Variants in ST6GAL1 observed in about 807,000 individuals in gnomAD.
ST6GAL1 encodes ST6 beta-galactoside alpha-2,6-sialyltransferase 1, also known as beta-galactoside alpha-2,6-sialyltransferase 1.
A neutral mutation model predicts 38.0 loss-of-function variants in ST6GAL1; 20 were observed. The observed-to-expected ratio is 0.53, with a 90% CI of 0.37 to 0.77. The LOEUF (loss-of-function observed/expected upper bound fraction) is 0.77, where lower values mean the gene tolerates loss of function less well. Ranked by LOEUF, ST6GAL1 falls within the 30% of genes least tolerant of loss-of-function variation. The probability of loss-of-function intolerance (pLI) is 0.00; values close to 1 mark genes in which losing one functional copy is unlikely to be tolerated. For synonymous variants in ST6GAL1, 196 were observed against 188.2 expected (o/e 1.04, Z -0.34); for missense variants, 432 against 496.4 (o/e 0.87, Z 1.23).
At chr3:187,031,111 G>A (rs1450361365) in intron 2 of ST6GAL1, among the ~76,000 whole-genome samples, 2 of 152,204 alleles carry the variant, frequency 1.3e-5, no homozygotes, top group Non-Finnish European at 2.9e-5. Flanking sequence ...ATAGTTTGAT[G>A]AGGGGAAGAA....
intron 2 of ST6GAL1, among the ~76,000 whole-genome samples, chr3:186,972,558 T>C (rs1715386876): frequency 6.6e-6 from 1 of 152,040 alleles, no homozygotes; most frequent in Non-Finnish European, 1.5e-5. Flanking sequence ...CCACTGCTTG[T>C]TACTATGTGT....
chr3:187,027,598 C>G (rs1190052768), intron 2 of ST6GAL1, among the ~76,000 whole-genome samples: 1 of 152,092 alleles, frequency 6.6e-6, no homozygotes, highest in Non-Finnish European at 1.5e-5. Flanking sequence ...ATTCCGGCCC[C>G]CCTTCTTGCC....
chr3:186,981,557 C>T (rs540426991), intron 2 of ST6GAL1, among the ~76,000 whole-genome samples: 1 of 152,320 alleles, frequency 6.6e-6, no homozygotes, highest in Admixed American at 6.5e-5. Flanking sequence ...TGTCATGCCA[C>T]CAATACACTA....
chr3:187,017,469 T>A (rs1431221685), intron 2 of ST6GAL1, among the ~76,000 whole-genome samples: 1 of 149,900 alleles, frequency 6.7e-6, no homozygotes, highest in Non-Finnish European at 1.5e-5. Context: ...CCTTCATGGC[T>A]GTGAGATTAG....
At chr3:187,045,486 A>G (rs185360965) in intron 4 of ST6GAL1, among the ~76,000 whole-genome samples, 83 of 152,320 alleles carry the variant, frequency 5.4e-4, no homozygotes, top group Non-Finnish European at 6.8e-4. Flanking sequence ...TTAAAACACT[A>G]TCATCAATAC....
At chr3:186,964,760 C>T (rs1467084556) in intron 2 of ST6GAL1, among the ~76,000 whole-genome samples, 1 of 152,188 alleles carries the variant, frequency 6.6e-6, no homozygotes, top group Non-Finnish European at 1.5e-5. Context: ...AGTGCTACAA[C>T]CCAGGGCTTT....
chr3:187,030,230 T>C (rs1717696157), intron 2 of ST6GAL1, among the ~76,000 whole-genome samples: 1 of 151,938 alleles, frequency 6.6e-6, no homozygotes, highest in Admixed American at 6.6e-5. Flanking sequence ...GTAAGTGGGG[T>C]CATAGGTAGC....
chr3:186,946,033 G>A (rs1403281484), intron 1 of ST6GAL1, among the ~76,000 whole-genome samples: 59 of 144,662 alleles, frequency 4.1e-4, no homozygotes, highest in African/African-American at 1.3e-3. Context: ...CTGGCCGGGC[G>A]CGGTGGCTCA....
Position 186,951,388 on chromosome 3 carries a change from T to C in ST6GAL1, c.-324-12397T>C, listed in dbSNP as rs567089012. On this transcript the variant is annotated intron_variant, in intron 1 of 7. Coordinates refer to ENST00000169298, the MANE Select transcript of ST6GAL1 (RefSeq NM_173216.2). ...CTTGGCCATGACTCTTAAGGGGACA[T>C]TGGTGTTGTAGGCCATGTCGCTTCA... Among the ~76,000 whole-genome samples, 9 of 152,292 alleles carry C rather than the reference T, an allele frequency of 5.9e-5. No homozygotes were observed. In the South Asian group the frequency reaches 1.9e-3, roughly 32 times the overall value.
At position 186,967,610 on chromosome 3, in the gene ST6GAL1, A is replaced by C. The variant is rs569410297; in HGVS notation, c.-183+3684A>C. Among the ~76,000 whole-genome samples, 83 of 152,302 alleles carry C rather than the reference A, an allele frequency of 5.4e-4. No individual in the cohort carries two copies. In the Middle Eastern group the frequency reaches 0.01, roughly 19 times the overall value. ...GGACAGGGCTGAGGGGAGGAGGCAG[A>C]GTGGCAGAGGGAGTGATTTGGGGAG... On this transcript the variant is annotated intron_variant, in intron 2 of 7. Coordinates refer to ENST00000169298, the MANE Select transcript of ST6GAL1 (RefSeq NM_173216.2).
Position 187,075,784 on chromosome 3 carries a change from T to C in ST6GAL1, c.1202T>C (p.Phe401Ser). The C allele has an allele frequency of 6.2e-7, 1 of 1,614,180 alleles. No individual in the cohort carries two copies. The highest frequency in any genetic ancestry group is 2.2e-5 in the East Asian group (1 of 44,894). ...CTTGGAAAAGCCACACTGCCTGGCT[T>C]CCGGACCATTCACTGCTAAGCACAG... ...YLLGKATLPG[F>S]RTIHC Residue 401 changes from phenylalanine to serine, a missense_variant, in exon 8 of 8, where the codon TTC becomes TCC. By Grantham distance (155) the Phe-to-Ser change is radical. Coordinates refer to ENST00000169298, the MANE Select transcript of ST6GAL1 (RefSeq NM_173216.2). This position sits in a 1 kb window ranked among gnomAD's most constrained non-coding sequence, Gnocchi z 4.1.
intron 2 of ST6GAL1, among the ~76,000 whole-genome samples, chr3:187,016,137 G>C (rs1479368169): frequency 6.6e-6 from 1 of 152,158 alleles, no homozygotes; most frequent in African/African-American, 2.4e-5. Flanking sequence ...AGACCCAGCA[G>C]GTGCTTCATG....
At chr3:186,970,123 G>A (rs1198330131) in intron 2 of ST6GAL1, among the ~76,000 whole-genome samples, 1 of 151,986 alleles carries the variant, frequency 6.6e-6, no homozygotes, top group East Asian at 1.9e-4. Flanking sequence ...GGTACAACAT[G>A]TGTATAGTTT....
At chr3:187,059,849 T>C (rs996541452) in intron 5 of ST6GAL1, among the ~76,000 whole-genome samples, 1 of 151,988 alleles carries the variant, frequency 6.6e-6, no homozygotes, top group Non-Finnish European at 1.5e-5. Context: ...TACAAATAAA[T>C]AAATTTGCAA....
chr3:186,999,058 G>A (rs1478001555), intron 2 of ST6GAL1, among the ~76,000 whole-genome samples: 2 of 152,216 alleles, frequency 1.3e-5, no homozygotes, highest in African/African-American at 2.4e-5. Flanking sequence ...AAGGGGGCCC[G>A]GGGGCAATGC....
At chr3:187,033,993 CA>C (rs1717841664) in intron 2 of ST6GAL1, among the ~76,000 whole-genome samples, 1 of 152,060 alleles carries the variant, frequency 6.6e-6, no homozygotes, top group African/African-American at 2.4e-5. Context: ...AAAGGATAAA[CA>C]AGTTTGGTAA....
intron 2 of ST6GAL1, among the ~76,000 whole-genome samples, chr3:187,016,268 A>G (rs1717112617): frequency 6.6e-6 from 1 of 152,350 alleles, no homozygotes; most frequent in Non-Finnish European, 1.5e-5. Context: ...CTATTCATCA[A>G]GCGCCACTTG....
chr3:186,953,810 G>GT lies in ST6GAL1; in HGVS notation c.-324-9959dup, dbSNP rs36103477. On this transcript the variant is annotated intron_variant, in intron 1 of 7. Coordinates refer to ENST00000169298, the MANE Select transcript of ST6GAL1 (RefSeq NM_173216.2). ...CATGAAGAAACTGAGACACAGAGAG[G>GT]TTTTTTTTTTTTTTTTAATTTTATT... 1.1e-3 allele frequency among the ~76,000 whole-genome samples: 153 copies of GT among 144,384 alleles called. 1 individual carries two copies. The highest frequency in any genetic ancestry group is 1.1e-3 in the Non-Finnish European group (73 of 65,230). 94.7% of individuals were successfully genotyped at this position (144,384 alleles called of 152,430 possible).
chr3:186,943,818 G>A (rs758399535), intron 1 of ST6GAL1, among the ~76,000 whole-genome samples: 39 of 152,248 alleles, frequency 2.6e-4, no homozygotes, highest in Non-Finnish European at 5.0e-4. Flanking sequence ...AAGTCAGACC[G>A]TGAGTGTGTT....
Sources: gnomAD v4.1 joint callset for allele counts (sites outside exome capture counted in the v4.1 genomes callset) on GRCh38, gnomAD v4.1.1 for gene constraint, Gnocchi (gnomAD v3.1) non-coding constraint, MANE v1.5 for transcripts, NCBI Gene and HGNC (gene_info 2026-07-23, HGNC 2026-07-21) for gene names.